RB1: variants seen among roughly 807,000 people sequenced by gnomAD.
The protein encoded by RB1 is RB transcriptional corepressor 1, also known as retinoblastoma-associated protein.
Under a neutral mutation model 135.4 loss-of-function variants are expected in RB1, and 18 were observed. That is an observed-to-expected ratio of 0.13 (90% CI 0.09 to 0.20). RB1 has a LOEUF of 0.20. RB1 is among the 10% of genes least tolerant of loss of function. The pLI is 1.00. For synonymous variants in RB1, 365 were observed against 373.2 expected (o/e 0.98, Z 0.25); for missense variants, 868 against 1,110.0 (o/e 0.78, Z 3.10).
At chr13:48,320,387 A>G in intron 2 of RB1, 2 of 1,185,630 alleles carry the variant, frequency 1.7e-6, no homozygotes, top group Non-Finnish European at 2.5e-6. Flanking sequence ...TCCGAGAAGC[A>G]CCCGGGGAAC....
chr13:48,454,735 C>T (rs1243052359), intron 18 of RB1, among the ~76,000 whole-genome samples: 1 of 152,234 alleles, frequency 6.6e-6, no homozygotes, highest in Non-Finnish European at 1.5e-5. Context: ...TTTGACGTCA[C>T]ACCTGAAGGG....
intron 17 of RB1, among the ~76,000 whole-genome samples, chr13:48,406,917 G>T (rs372739737): frequency 4.0e-5 from 6 of 149,782 alleles, no homozygotes; most frequent in African/African-American, 7.6e-5. Context: ...AAACAAACAG[G>T]GTTCTTACCC....
intron 2 of RB1, among the ~76,000 whole-genome samples, chr13:48,325,381 C>G (rs1297453753): frequency 1.3e-5 from 2 of 152,110 alleles, no homozygotes; most frequent in Non-Finnish European, 2.9e-5. Flanking sequence ...TCCAGTTTTT[C>G]CTTCCTCCAG....
Position 48,319,690 on chromosome 13 carries a change from G to T in RB1, c.264+12284G>T. On this transcript the variant is annotated intron_variant, in intron 2 of 26. Transcript: ENST00000267163. The surrounding 1 kb of genome is among the most constrained non-coding windows in gnomAD (Gnocchi z 5.0). ...GCCACCTTTGCGGCTAGCTCTTCGT[G>T]GGATTTCAAGAGTGACTTGGTCGAA... The T allele has an allele frequency of 3.9e-6, 1 of 253,980 alleles. No homozygotes were observed. Among genetic ancestry groups the T allele is most frequent in the South Asian group, 5.9e-5 (1 of 16,862 alleles). The allele number at this position is 253,980 out of a possible 1,614,324, so 15.7% of individuals were successfully genotyped here. A position where few individuals can be genotyped will look rare whatever the true frequency, so the allele number is the denominator to read the frequency against.
At chr13:48,442,893 T>TA (rs1294951853) in intron 17 of RB1, among the ~76,000 whole-genome samples, 2 of 152,124 alleles carry the variant, frequency 1.3e-5, no homozygotes, top group Non-Finnish European at 2.9e-5. Context: ...TTTAAAAAAA[T>TA]ACCCAACACC....
At chr13:48,459,651 G>C (rs757373161) in intron 19 of RB1, 37 bp from the exon 20 acceptor site, 13 of 1,610,172 alleles carry the variant, frequency 8.1e-6, no homozygotes, top group South Asian at 7.7e-5. Flanking sequence ...AATTCAAAAT[G>C]AACAGTAAAA....
intron 17 of RB1, among the ~76,000 whole-genome samples, chr13:48,398,936 G>T (rs1948668698): frequency 6.6e-6 from 1 of 152,074 alleles, no homozygotes; most frequent in African/African-American, 2.4e-5. Flanking sequence ...GCTCCTTTGT[G>T]CAGTGCACTG....
chr13:48,325,786 G>A (rs556430149), intron 2 of RB1, among the ~76,000 whole-genome samples: 8 of 152,106 alleles, frequency 5.3e-5, no homozygotes, highest in African/African-American at 1.4e-4. Context: ...ACTACAAACC[G>A]TTGCGGTGAA....
chr13:48,304,137 C>A (rs940455223), intron 1 of RB1, 88 bp downstream of exon 1: 13 of 1,279,306 alleles, frequency 1.0e-5, no homozygotes, highest in African/African-American at 1.6e-5. Context: ...GGCGGGGATC[C>A]GTCCTCGCCA....
chr13:48,387,141 T>C (rs572861342), intron 17 of RB1, among the ~76,000 whole-genome samples: 1 of 152,304 alleles, frequency 6.6e-6, no homozygotes, highest in Non-Finnish European at 1.5e-5. Flanking sequence ...ACAAAGTAAA[T>C]GTAGAAGCGG....
chr13:48,313,187 C>A (rs1183024407), intron 2 of RB1, among the ~76,000 whole-genome samples: 2 of 151,884 alleles, frequency 1.3e-5, no homozygotes, highest in Non-Finnish European at 2.9e-5. Flanking sequence ...TTGGAATACC[C>A]TTCTTTTTTC....
At position 48,367,542 on chromosome 13, in the gene RB1, G is replaced by T. The variant is rs763377384; in HGVS notation, c.988G>T (p.Asp330Tyr). The change falls in exon 10 of 27, where the codon GAT (aspartate) becomes TAT (tyrosine). Residue 330 changes from aspartate (D) to tyrosine (Y), a missense_variant. By Grantham distance (160) the Asp-to-Tyr change is radical (BLOSUM62 -3). Coordinates refer to ENST00000267163, the MANE Select transcript of RB1 (RefSeq NM_000321.3). ...CGAAGAAATTTATCTTAAAAATAAAGATCTAGATGCAAGATTATTTTTGGA... is the reference window on the plus strand; with the variant it reads ...CGAAGAAATTTATCTTAAAAATAAATATCTAGATGCAAGATTATTTTTGGA... ...RYEEIYLKNKDLDARLFLDHD... is the reference protein window; with the variant it reads ...RYEEIYLKNKYLDARLFLDHD... 2 of 1,604,462 alleles carry T rather than the reference G, an allele frequency of 1.2e-6. No individual in the cohort carries two copies. The highest frequency in any genetic ancestry group is 2.2e-5 in the South Asian group (2 of 90,938).
intron 20 of RB1, among the ~76,000 whole-genome samples, chr13:48,462,473 G>A (rs2138340952): frequency 6.6e-6 from 1 of 152,226 alleles, no homozygotes; most frequent in East Asian, 1.9e-4. Flanking sequence ...TGAACTGTAA[G>A]GGGTCATTAT....
intron 17 of RB1, among the ~76,000 whole-genome samples, chr13:48,446,798 TGAGGTCTGA>T (rs1253096844): frequency 6.6e-6 from 1 of 152,220 alleles, no homozygotes; most frequent in Non-Finnish European, 1.5e-5. Flanking sequence ...TGTTAGAGCA[TGAGGTCTGA>T]GAGGTATCAA....
chr13:48,373,302 T>C (rs1952781358), intron 11 of RB1, 103 bp from the exon 12 acceptor site: 1 of 747,038 alleles, frequency 1.3e-6, no homozygotes, highest in Non-Finnish European at 2.4e-6. Flanking sequence ...TGGGAGGCAG[T>C]GTATTTGAAG....
chr13:48,411,267 G>T, intron 17 of RB1: 2 of 813,390 alleles, frequency 2.5e-6, no homozygotes, highest in Non-Finnish European at 2.1e-6. Context: ...TTATACTAAA[G>T]ACTTTAAAAT....
At chr13:48,457,920 GC>G (rs1177137613) in intron 19 of RB1, among the ~76,000 whole-genome samples, 1 of 152,192 alleles carries the variant, frequency 6.6e-6, no homozygotes, top group African/African-American at 2.4e-5. Flanking sequence ...GCCTTCCCCG[GC>G]CCCCAAGTAT....
chr13:48,460,480 T>C (rs1949398230), intron 20 of RB1, among the ~76,000 whole-genome samples: 1 of 152,184 alleles, frequency 6.6e-6, no homozygotes, highest in African/African-American at 2.4e-5. Context: ...TGAAGAACCT[T>C]CTTATCACTG....
intron 17 of RB1, among the ~76,000 whole-genome samples, chr13:48,450,479 T>TA (rs1949319989): frequency 6.6e-6 from 1 of 152,198 alleles, no homozygotes; most frequent in Non-Finnish European, 1.5e-5. Flanking sequence ...TGTAGGTGTG[T>TA]GGTCTTATTT....
Sources: gnomAD v4.1 joint callset for allele counts (sites outside exome capture counted in the v4.1 genomes callset) on GRCh38, gnomAD v4.1.1 for gene constraint, Gnocchi (gnomAD v3.1) non-coding constraint, MANE v1.5 for transcripts, NCBI Gene and HGNC (gene_info 2026-07-23, HGNC 2026-07-21) for gene names.